The following RFX2 variants were observed in gnomAD, a reference collection of about 807,000 sequenced individuals.
The protein encoded by RFX2 is DNA-binding protein RFX2.
In RFX2, 20 loss-of-function variants were observed where a neutral mutation model predicts 87.8. The observed-to-expected ratio is 0.23, with a 90% CI of 0.16 to 0.33. The LOEUF (loss-of-function observed/expected upper bound fraction) is 0.33, where lower values mean the gene tolerates loss of function less well. Among genes scored for constraint, RFX2 ranks in the 10% least tolerant of loss-of-function variants. The pLI is 1.00. For missense variants in RFX2, 767 were observed against 1,012.3 expected, an observed-to-expected ratio of 0.76 and a Z score of 3.29; for synonymous variants, 397 against 431.3, an observed-to-expected ratio of 0.92 and a Z score of 0.98.
chr19:6,067,198 T>C (rs2087526967), intron 1 of RFX2, among the ~76,000 whole-genome samples: 1 of 152,204 alleles, frequency 6.6e-6, no homozygotes, highest in Non-Finnish European at 1.5e-5. Context: ...GGAGAGTTCA[T>C]AGCTGCACAA....
Position 6,062,835 on chromosome 19 carries a change from C to T in RFX2, c.-8-15331G>A, listed in dbSNP as rs77964861. On this transcript the variant is annotated intron_variant, in intron 1 of 17. Transcript: ENST00000303657. ...GTAAATCAGCGTGACTTAGAATGAT[C>T]GTTCCCTCTGTCTATCCCCACAAGC... Among the ~76,000 whole-genome samples the T allele has an allele frequency of 4.6e-3, 695 of 152,264 alleles. 8 individuals carry two copies. The East Asian group carries it at 0.071, about 16-fold the overall frequency.
At chr19:6,043,664 A>C (rs901280499) in intron 3 of RFX2, among the ~76,000 whole-genome samples, 4 of 152,262 alleles carry the variant, frequency 2.6e-5, no homozygotes, top group African/African-American at 7.2e-5. Context: ...CTGGACCACA[A>C]ACCCCCAAAA....
At position 6,016,245 on chromosome 19, in the gene RFX2, T is replaced by C. The variant is rs1358793995; in HGVS notation, c.624A>G (p.Glu208=). Residue 208 remains glutamate (E), a synonymous_variant, in exon 7 of 18, where the codon GAA becomes GAG. Coordinates refer to ENST00000303657, the MANE Select transcript of RFX2 (RefSeq NM_000635.4). This position sits in a 1 kb window ranked among gnomAD's most constrained non-coding sequence, Gnocchi z 5.4. ...SHLQWLLDNY[E]TAEGVSLPRS... The stretch of plus-strand genomic sequence containing the variant: ...TGGGGAGACTCACACCTTCCGCTGT[T>C]TCATAATTATCCAACAGCCACTGGA... 1 of 1,608,558 alleles carries C rather than the reference T, an allele frequency of 6.2e-7. No homozygotes were observed. The highest frequency in any genetic ancestry group is 1.3e-5 in the African/African-American group (1 of 74,728).
intron 9 of RFX2, among the ~76,000 whole-genome samples, 178 bp from the exon 10 acceptor site, chr19:6,008,402 T>C (rs1034685045): frequency 5.3e-5 from 8 of 151,336 alleles, no homozygotes; most frequent in Admixed American, 4.6e-4. Context: ...AGACAGGGCC[T>C]TGCTCTGTTG....
At position 5,998,653 on chromosome 19, in the gene RFX2, C is replaced by G. The variant is rs2144663593; in HGVS notation, c.1860-1440G>C. 6.6e-6 allele frequency among the ~76,000 whole-genome samples: 1 copy of G among 152,308 alleles called. No individual in the cohort carries two copies. Among genetic ancestry groups the G allele is most frequent in the Non-Finnish European group, 1.5e-5 (1 of 68,032 alleles). On this transcript the variant is annotated intron_variant, in intron 15 of 17. Coordinates refer to ENST00000303657, the MANE Select transcript of RFX2 (RefSeq NM_000635.4). This position sits in a 1 kb window ranked among gnomAD's most constrained non-coding sequence, Gnocchi z 4.2. The stretch of plus-strand genomic sequence containing the variant: ...AGCCCCCTTTCCCCAAAGGCCTCCC[C>G]CACGCAGATGAGGTGCTGGCACTCT...
intron 6 of RFX2, among the ~76,000 whole-genome samples, chr19:6,025,168 G>C (rs1335528418): frequency 5.9e-5 from 9 of 152,198 alleles, no homozygotes; most frequent in Non-Finnish European, 1.2e-4. Flanking sequence ...CGTTTGGGGA[G>C]AAGTGAAAGC....
chr19:6,097,841 C>T (rs2088051965), intron 1 of RFX2, among the ~76,000 whole-genome samples: 1 of 152,086 alleles, frequency 6.6e-6, no homozygotes, highest in Admixed American at 6.5e-5. Context: ...CCTCAGCCTC[C>T]CAAAGTGTTG....
chr19:6,085,101 G>C (rs1056869854), intron 1 of RFX2, among the ~76,000 whole-genome samples: 1 of 152,052 alleles, frequency 6.6e-6, no homozygotes, highest in African/African-American at 2.4e-5. Flanking sequence ...TTCATTTGTT[G>C]GTGGACACTT....
chr19:6,090,362 C>A (rs2087915274), intron 1 of RFX2, among the ~76,000 whole-genome samples: 1 of 139,772 alleles, frequency 7.2e-6, no homozygotes, highest in African/African-American at 2.8e-5. Flanking sequence ...CATAGTGAGA[C>A]TCTGTCTCAA....
rs1234318978 is a variant in RFX2 at position 6,063,890 on chromosome 19, AC to A, written c.-8-16387del. ...CCCAGTGTCCCCTGGGGGCAGGACC[AC>A]CCCCATGGAGAACCACACGTCTAAG... On this transcript the variant is annotated intron_variant, in intron 1 of 17. Transcript: ENST00000303657. This position sits in a 1 kb window ranked among gnomAD's most constrained non-coding sequence, Gnocchi z 4.0. Among the ~76,000 whole-genome samples, 1 of 151,856 alleles carries A rather than the reference AC, an allele frequency of 6.6e-6. No individual in the cohort carries two copies. The highest frequency in any genetic ancestry group is 2.4e-5 in the African/African-American group (1 of 41,346).
chr19:6,108,842 C>T (rs1258405055), intron 1 of RFX2, among the ~76,000 whole-genome samples: 1 of 152,166 alleles, frequency 6.6e-6, no homozygotes, highest in East Asian at 1.9e-4. Flanking sequence ...GGCCCGGGCG[C>T]TTGGGGCCCT....
chr19:6,009,353 C>T (rs2086631149), intron 9 of RFX2, among the ~76,000 whole-genome samples: 1 of 152,190 alleles, frequency 6.6e-6, no homozygotes, highest in Non-Finnish European at 1.5e-5. Flanking sequence ...CCTGCCCTCC[C>T]TCATGGCAGG....
intron 1 of RFX2, among the ~76,000 whole-genome samples, chr19:6,108,058 T>C (rs2088248449): frequency 1.3e-5 from 2 of 152,196 alleles, no homozygotes; most frequent in South Asian, 2.1e-4. Flanking sequence ...AAAACTAAAA[T>C]ATTTCAGTAT....
In RFX2 at chr19:6,015,615, A is replaced by G. The variant is rs559623104; in HGVS notation, c.779+475T>C. Among the ~76,000 whole-genome samples the G allele has an allele frequency of 5.3e-5, 8 of 151,880 alleles. No individual in the cohort carries two copies. The East Asian group carries it at 1.6e-3, about 30-fold the overall frequency. On this transcript the variant is annotated intron_variant, in intron 7 of 17. Coordinates refer to ENST00000303657, the MANE Select transcript of RFX2 (RefSeq NM_000635.4). ...GTGCTCCTCCCCTCTCAGTCTCCCA[A>G]ATAGGTGAAATTACAGGTGTGCAAA... is the stretch of plus-strand genomic sequence containing the variant.
At chr19:6,100,202 C>T (rs1007843892) in intron 1 of RFX2, among the ~76,000 whole-genome samples, 9 of 152,116 alleles carry the variant, frequency 5.9e-5, no homozygotes, top group African/African-American at 1.9e-4. Flanking sequence ...GTATGGCAAG[C>T]TCATTTGGAG....
intron 1 of RFX2, among the ~76,000 whole-genome samples, chr19:6,052,785 A>G (rs982835129): frequency 1.3e-5 from 2 of 152,224 alleles, no homozygotes; most frequent in Non-Finnish European, 2.9e-5. Context: ...CACCTTCAAA[A>G]TAATCCATGG....
At chr19:6,030,991 A>G (rs1052745338) in intron 5 of RFX2, among the ~76,000 whole-genome samples, 29 of 152,200 alleles carry the variant, frequency 1.9e-4, no homozygotes, top group African/African-American at 7.0e-4. Context: ...AAAAGTCACT[A>G]ACTTTGAGAA....
rs79808383 is a variant in RFX2 at position 6,023,500 on chromosome 19, C to T, written c.597+2663G>A. 3.8e-4 allele frequency among the ~76,000 whole-genome samples: 58 copies of T among 152,330 alleles called. 1 individual carries two copies. The East Asian group carries it at 7.3e-3, about 19-fold the overall frequency. Reference sequence around the variant, plus strand: ...AAACAAGATCTAAGTTTATTCTGCCCGTGTGTGTGGTGAACTTTTTAGAAA... The same window carrying T: ...AAACAAGATCTAAGTTTATTCTGCCTGTGTGTGTGGTGAACTTTTTAGAAA... On this transcript the variant is annotated intron_variant, in intron 6 of 17. Transcript: ENST00000303657. The surrounding 1 kb of genome is among the most constrained non-coding windows in gnomAD (Gnocchi z 4.9).
chr19:6,029,940 G>A (rs887580863), intron 5 of RFX2, among the ~76,000 whole-genome samples: 2 of 152,170 alleles, frequency 1.3e-5, no homozygotes, highest in Admixed American at 1.3e-4. Flanking sequence ...CCAGTCTGAG[G>A]AGCGGAAAGA....
Sources: allele counts gnomAD v4.1 joint callset (sites outside exome capture counted in the v4.1 genomes callset), GRCh38; gene constraint gnomAD v4.1.1; non-coding constraint Gnocchi (gnomAD v3.1); transcripts MANE v1.5; gene names NCBI Gene and HGNC (gene_info 2026-07-23, HGNC 2026-07-21).